The following TMEM135 variants were observed in gnomAD, a reference collection of about 807,000 sequenced individuals.
TMEM135 encodes transmembrane protein 135.
TMEM135 carries 30 observed loss-of-function variants against 60.3 expected under a neutral mutation model. The ratio of observed to expected loss-of-function variants is 0.50; its 90% CI spans 0.37 to 0.68. The LOEUF (loss-of-function observed/expected upper bound fraction) is 0.68. Among genes scored for constraint, TMEM135 ranks in the 30% least tolerant of loss-of-function variants. The probability of loss-of-function intolerance (pLI) is 0.00; values close to 1 mark genes in which losing one functional copy is unlikely to be tolerated. For synonymous variants in TMEM135, 190 were observed against 186.7 expected (o/e 1.02, Z -0.14); for missense variants, 468 against 548.8 (o/e 0.85, Z 1.47).
chr11:87,260,421 T>A (rs1396307997), intron 6 of TMEM135, among the ~76,000 whole-genome samples: 1 of 152,196 alleles, frequency 6.6e-6, no homozygotes, highest in Non-Finnish European at 1.5e-5. Context: ...TCTACTGATA[T>A]GAAACACGTA....
chr11:87,281,937 CTTTT>C (rs1405490052), intron 6 of TMEM135, among the ~76,000 whole-genome samples: 1 of 152,130 alleles, frequency 6.6e-6, no homozygotes, highest in African/African-American at 2.4e-5. Context: ...AGAAAATAAA[CTTTT>C]TTTGTTAAAA....
intron 5 of TMEM135, among the ~76,000 whole-genome samples, chr11:87,220,328 A>G (rs760535372): frequency 3.9e-5 from 6 of 152,154 alleles, no homozygotes; most frequent in Non-Finnish European, 8.8e-5. Context: ...CATTTTTGCC[A>G]AGTCCTATAT....
chr11:87,153,716 T>C (rs1376763276), intron 4 of TMEM135, among the ~76,000 whole-genome samples: 1 of 152,246 alleles, frequency 6.6e-6, no homozygotes, highest in Non-Finnish European at 1.5e-5. Flanking sequence ...ATAAGGGCAT[T>C]GTCAAATTGA....
intron 7 of TMEM135, among the ~76,000 whole-genome samples, chr11:87,300,847 T>C (rs1893229): frequency 0.65 from 98,178 of 152,072 alleles, 32,073 homozygotes; most frequent in South Asian, 0.69. Context: ...GAAGAAAGAT[T>C]ATCCCCTTAT....
chr11:87,299,116 A>G (rs1942401413), intron 7 of TMEM135, among the ~76,000 whole-genome samples: 1 of 152,108 alleles, frequency 6.6e-6, no homozygotes, highest in African/African-American at 2.4e-5. Context: ...AAACCAAAAA[A>G]CCACAAAACT....
chr11:87,071,423 C>A, intron 2 of TMEM135, 100 bp from the exon 3 acceptor site: 3 of 856,016 alleles, frequency 3.5e-6, no homozygotes, highest in South Asian at 1.4e-5. Flanking sequence ...TAGTGTGGTA[C>A]ATTTAAATAG....
chr11:87,171,765 C>T (rs1001657167), intron 5 of TMEM135, among the ~76,000 whole-genome samples: 2 of 152,142 alleles, frequency 1.3e-5, no homozygotes, highest in Admixed American at 6.5e-5. Flanking sequence ...GGACCGGCTT[C>T]GTCGAAGACA....
At chr11:87,188,978 AT>A (rs1233891945) in intron 5 of TMEM135, among the ~76,000 whole-genome samples, 1 of 150,364 alleles carries the variant, frequency 6.7e-6, no homozygotes, top group Non-Finnish European at 1.5e-5. Flanking sequence ...TAGTTATACC[AT>A]AATTTATTTA....
intron 5 of TMEM135, among the ~76,000 whole-genome samples, chr11:87,230,322 T>G (rs758893483): frequency 1.2e-4 from 18 of 152,138 alleles, no homozygotes; most frequent in Non-Finnish European, 2.4e-4. Flanking sequence ...TTTAAAACTT[T>G]TTTTAAAAAA....
rs554961885 is a variant in TMEM135, at chr11:87,222,596, G to A, written c.463-14042G>A. ...AGGCGGGCGGATCACCTGAGGTCAG[G>A]AGTTCGAGACCAGCCTGACTAACAT... On this transcript the variant is annotated intron_variant, in intron 5 of 14. Coordinates refer to ENST00000305494, the MANE Select transcript of TMEM135 (RefSeq NM_022918.4). 2.1e-3 allele frequency among the ~76,000 whole-genome samples: 313 copies of A among 151,804 alleles called. 6 individuals are homozygous for A. Among genetic ancestry groups the A allele is most frequent in the African/African-American group, 7.1e-3 (294 of 41,396 alleles).
At chr11:87,246,692 T>C (rs1261627671) in intron 6 of TMEM135, among the ~76,000 whole-genome samples, 2 of 144,648 alleles carry the variant, frequency 1.4e-5, no homozygotes, top group African/African-American at 2.6e-5. Context: ...AGCCTTGGCT[T>C]TCAGCTCCAT....
At chr11:87,064,962 T>TCC (rs557418217) in intron 1 of TMEM135, among the ~76,000 whole-genome samples, 1 of 151,406 alleles carries the variant, frequency 6.6e-6, no homozygotes. Flanking sequence ...TTTTTTTTTT[T>TCC]CCCCCCACTC....
rs1942951248 is a variant in TMEM135 at position 87,328,763 on chromosome 11, G to A, written c.*7430G>A. The A allele has an allele frequency of 4.4e-6, 2 of 453,922 alleles. No homozygotes were observed. The highest frequency in any genetic ancestry group is 4.0e-5 in the African/African-American group (2 of 49,992). The allele number at this position is 453,922 out of a possible 1,614,324, so 28.1% of individuals were successfully genotyped here. ...CACTCATTGGTCTATGGGCACTTTG[G>A]TTGATTCTGTATCTTTGCAATTGTG... On this transcript the variant is annotated 3_prime_UTR_variant, in exon 15 of 15. Coordinates refer to ENST00000305494, the MANE Select transcript of TMEM135 (RefSeq NM_022918.4).
At chr11:87,093,324 T>A (rs1455356500) in intron 4 of TMEM135, among the ~76,000 whole-genome samples, 1 of 152,050 alleles carries the variant, frequency 6.6e-6, no homozygotes, top group African/African-American at 2.4e-5. Context: ...GCAATCCTCC[T>A]ACCTCACCCT....
rs887371581 is a variant in TMEM135, at chr11:87,143,826, G to A, written c.397-13515G>A. ...TTGAACTTTGACATGTAACCACTTT[G>A]ATGTGGTAAGGATATAGTTTTCTGC... is the stretch of plus-strand genomic sequence containing the variant. On this transcript the variant is annotated intron_variant, in intron 4 of 14. Transcript: ENST00000305494. 2.6e-5 allele frequency among the ~76,000 whole-genome samples: 4 copies of A among 152,240 alleles called. No homozygotes were observed. The East Asian group carries it at 7.7e-4, about 29-fold the overall frequency.
At chr11:87,297,588 T>G (rs1475511084) in intron 7 of TMEM135, among the ~76,000 whole-genome samples, 2 of 152,232 alleles carry the variant, frequency 1.3e-5, no homozygotes, top group Non-Finnish European at 2.9e-5. Flanking sequence ...CTACATCTCC[T>G]TAGACTCCCA....
chr11:87,087,061 G>T (rs116703333), intron 3 of TMEM135, among the ~76,000 whole-genome samples: 2 of 152,170 alleles, frequency 1.3e-5, no homozygotes, highest in Non-Finnish European at 2.9e-5. Context: ...GTAAAAGGGA[G>T]CCATCATTTG....
chr11:87,310,678 G>A (rs1942626306), intron 10 of TMEM135, among the ~76,000 whole-genome samples: 1 of 151,660 alleles, frequency 6.6e-6, no homozygotes, highest in Non-Finnish European at 1.5e-5. Context: ...GAATGACCAT[G>A]TGAGGACACA....
intron 7 of TMEM135, among the ~76,000 whole-genome samples, chr11:87,300,539 C>T (rs1428498713): frequency 6.6e-6 from 1 of 152,098 alleles, no homozygotes; most frequent in Non-Finnish European, 1.5e-5. Context: ...AATTGTGACA[C>T]CTATAGTATT....
Sources: gnomAD v4.1 joint callset for allele counts (sites outside exome capture counted in the v4.1 genomes callset) on GRCh38, gnomAD v4.1.1 for gene constraint, MANE v1.5 for transcripts, NCBI Gene and HGNC (gene_info 2026-07-23, HGNC 2026-07-21) for gene names.